DNAJB13: variants seen among roughly 807,000 people sequenced by gnomAD.
The protein encoded by DNAJB13 is dnaJ homolog subfamily B member 13.
DNAJB13 carries 22 observed loss-of-function variants against 35.6 expected under a neutral mutation model. The ratio of observed to expected loss-of-function variants is 0.62; its 90% CI spans 0.44 to 0.88. The LOEUF is 0.88. Among genes scored for constraint, DNAJB13 ranks in the 40% least tolerant of loss-of-function variants. The probability of loss-of-function intolerance (pLI) is 0.00; values close to 1 mark genes in which losing one functional copy is unlikely to be tolerated. For missense variants in DNAJB13, 370 were observed against 384.3 expected (o/e 0.96, Z 0.31); for synonymous variants, 136 against 144.2 (o/e 0.94, Z 0.41).
chr11:73,959,450 GC>G (rs1950860756), intron 2 of DNAJB13, 43 bp from the exon 3 acceptor site: 2 of 1,580,202 alleles, frequency 1.3e-6, no homozygotes, highest in South Asian at 1.1e-5. Flanking sequence ...ACCTATCTCA[GC>G]CCCCAAAGTT....
chr11:73,959,827 A>G (rs1036814653), intron 3 of DNAJB13, 172 bp downstream of exon 3: 9 of 569,098 alleles, frequency 1.6e-5, no homozygotes, highest in African/African-American at 3.9e-5. Context: ...CAGTAGTGGG[A>G]TCATGGCTTA....
rs371986893 is a variant in DNAJB13 at position 73,951,040 on chromosome 11, A to G, written c.-30A>G. The G allele has an allele frequency of 3.2e-5, 52 of 1,612,988 alleles. No individual in the cohort carries two copies. The highest frequency in any genetic ancestry group is 4.2e-5 in the Non-Finnish European group (50 of 1,179,586). On this transcript the variant is annotated 5_prime_UTR_variant, in exon 1 of 8. Coordinates refer to ENST00000339764, the MANE Select transcript of DNAJB13 (RefSeq NM_153614.4). ...ACAGCCTTGCTAGAGTCTGAGGACT[A>G]TCCAGGGCCTGACTGCCAGCTAGCC...
intron 6 of DNAJB13, among the ~76,000 whole-genome samples, 194 bp downstream of exon 6, chr11:73,968,652 G>A (rs1007228652): frequency 3.9e-5 from 6 of 152,138 alleles, no homozygotes; most frequent in African/African-American, 9.7e-5. Flanking sequence ...CCAGATCTGC[G>A]CAGCAGGCCT....
intron 2 of DNAJB13, 131 bp downstream of exon 2, chr11:73,958,551 G>A (rs550129367): frequency 2.3e-6 from 2 of 871,160 alleles, no homozygotes; most frequent in South Asian, 1.7e-5. Context: ...TAGACACACA[G>A]AGAAGACAGA....
At chr11:73,964,812 T>TGTGTGTGTGC (rs1491290663) in intron 3 of DNAJB13, 66 bp from the exon 4 acceptor site, 30 of 698,254 alleles carry the variant, frequency 4.3e-5, no homozygotes, top group Middle Eastern at 4.5e-4. Flanking sequence ...TGTGTGTGTG[T>TGTGTGTGTGC]GCGCGCGCGC....
At chr11:73,967,065 C>G (rs1383098386) in intron 5 of DNAJB13, among the ~76,000 whole-genome samples, 1 of 152,166 alleles carries the variant, frequency 6.6e-6, no homozygotes, top group African/African-American at 2.4e-5. Flanking sequence ...GTTGGCCAGG[C>G]TGGTCTTGAA....
At chr11:73,969,445 TGAGG>T (rs1391788964) in intron 7 of DNAJB13, 123 bp downstream of exon 7, 1 of 675,116 alleles carries the variant, frequency 1.5e-6, no homozygotes, top group Non-Finnish European at 2.6e-6. Context: ...GGTTCCCTGC[TGAGG>T]GGATAGAGAG....
chr11:73,968,945 C>T (rs1030362955), intron 6 of DNAJB13, among the ~76,000 whole-genome samples: 3 of 152,212 alleles, frequency 2.0e-5, no homozygotes, highest in African/African-American at 7.2e-5. Flanking sequence ...GCTACCACCA[C>T]TGCTACCACT....
intron 4 of DNAJB13, 108 bp downstream of exon 4, chr11:73,965,143 T>C: frequency 8.1e-7 from 1 of 1,234,464 alleles, no homozygotes; most frequent in Non-Finnish European, 1.1e-6. Flanking sequence ...CTGATGGAAT[T>C]ATGGAACCTT....
intron 2 of DNAJB13, 94 bp downstream of exon 2, chr11:73,958,514 A>C: frequency 1.8e-6 from 2 of 1,140,564 alleles, no homozygotes; most frequent in Non-Finnish European, 2.6e-6. Flanking sequence ...AATAACGAGG[A>C]AGCATCCTTC....
intron 1 of DNAJB13, among the ~76,000 whole-genome samples, chr11:73,951,954 G>GT (rs796300160): frequency 0.025 from 3,740 of 148,178 alleles, 97 homozygotes; most frequent in African/African-American, 0.074. Flanking sequence ...CCAAAAACAT[G>GT]TTTTTTTTTT....
chr11:73,951,276 A>G, intron 1 of DNAJB13, 139 bp downstream of exon 1: 1 of 1,070,168 alleles, frequency 9.3e-7, no homozygotes. Flanking sequence ...GCATACCTGT[A>G]TCCTGGCTTT....
chr11:73,969,951 C>T lies in DNAJB13; in HGVS notation c.798-10C>T, dbSNP rs1951233807. The stretch of plus-strand genomic sequence containing the variant: ...TGCCCTCTATGCTCCTTTCTTTCAT[C>T]CTATTTCAGCCCCAAATACTTCAAG... On this transcript the variant is annotated splice_polypyrimidine_tract_variant and intron_variant, in intron 7 of 7. Coordinates refer to ENST00000339764, the MANE Select transcript of DNAJB13 (RefSeq NM_153614.4). 2.5e-6 allele frequency: 4 copies of T among 1,603,682 alleles called. No homozygotes were observed. The African/African-American group carries it at 5.3e-5, about 21-fold the overall frequency.
intron 5 of DNAJB13, 49 bp from the exon 6 acceptor site, chr11:73,968,296 G>A (rs1270844532): frequency 6.4e-7 from 1 of 1,557,714 alleles, no homozygotes; most frequent in Admixed American, 1.7e-5. Flanking sequence ...ACTTGGCCAA[G>A]GTCACACGGC....
intron 6 of DNAJB13, 26 bp downstream of exon 6, chr11:73,968,484 C>T (rs752340831): frequency 5.0e-6 from 8 of 1,595,374 alleles, no homozygotes; most frequent in Admixed American, 1.7e-5. Flanking sequence ...GCAGGAGCAG[C>T]GGGGAGGAGA....
chr11:73,964,586 G>C (rs560710890), intron 3 of DNAJB13: 47 of 351,258 alleles, frequency 1.3e-4, no homozygotes, highest in Non-Finnish European at 2.1e-4. Flanking sequence ...AGCGTTGGGC[G>C]GGGTGGGGGG....
At chr11:73,955,759 C>CCA (rs960714137) in intron 1 of DNAJB13, among the ~76,000 whole-genome samples, 1 of 152,152 alleles carries the variant, frequency 6.6e-6, no homozygotes. Context: ...CCAGATCGCG[C>CCA]CACTGCACTC....
intron 3 of DNAJB13, 33 bp from the exon 4 acceptor site, chr11:73,964,845 A>G: frequency 6.3e-7 from 1 of 1,594,528 alleles, no homozygotes; most frequent in Middle Eastern, 2.1e-4. Context: ...CTCTGGATAC[A>G]ATTTCTCTTA....
chr11:73,955,736 C>A (rs1211297064), intron 1 of DNAJB13, among the ~76,000 whole-genome samples: 1 of 152,092 alleles, frequency 6.6e-6, no homozygotes, highest in Non-Finnish European at 1.5e-5. Context: ...GGGAGGCGGA[C>A]AATGCAGTGA....
Sources: allele counts gnomAD v4.1 joint callset (sites outside exome capture counted in the v4.1 genomes callset), GRCh38; gene constraint gnomAD v4.1.1; transcripts MANE v1.5; gene names NCBI Gene and HGNC (gene_info 2026-07-23, HGNC 2026-07-21).